ATF6B: variants seen among roughly 807,000 people sequenced by gnomAD.
ATF6B encodes the protein cyclic AMP-dependent transcription factor ATF-6 beta.
Under a neutral mutation model 83.5 loss-of-function variants are expected in ATF6B, and 50 were observed. That is an observed-to-expected ratio of 0.60 (90% CI 0.48 to 0.76). The LOEUF is 0.76. ATF6B is among the 30% of genes least tolerant of loss of function. The probability of loss-of-function intolerance (pLI) is 0.00; values close to 1 mark genes in which losing one functional copy is unlikely to be tolerated. For missense variants in ATF6B, 790 were observed against 893.8 expected, an observed-to-expected ratio of 0.88 and a Z score of 1.48; for synonymous variants, 344 against 362.8, an observed-to-expected ratio of 0.95 and a Z score of 0.59.
Position 32,127,735 on chromosome 6 carries a change from G to C in ATF6B, c.107C>G (p.Ser36Cys), listed in dbSNP as rs1425723248. ...DWGLQNSTLY[S>C]GLDEVAEEQT... Reference sequence around the variant, plus strand: ...CTCCTCGGCCACTTCATCTAGGCCAGAATACAAGGTGCTGTCTGCAAGAAA... The same window carrying C: ...CTCCTCGGCCACTTCATCTAGGCCACAATACAAGGTGCTGTCTGCAAGAAA... The change falls in exon 2 of 18, where the codon TCT becomes TGT. Residue 36 changes from serine to cysteine, a missense_variant. Physicochemically the swap from Ser to Cys is moderately radical, Grantham distance 112 (BLOSUM62 -1). This residue lies in a region of ATF6B where 253 missense variants were observed against 243.1 expected (regional missense o/e 1.04). Transcript: ENST00000375203. 4 of 1,614,086 alleles carry C rather than the reference G, an allele frequency of 2.5e-6. No individual in the cohort carries two copies. Among genetic ancestry groups the C allele is most frequent in the Non-Finnish European group, 3.4e-6 (4 of 1,180,032 alleles).
chr6:32,124,816 C>T (rs1254810234), intron 5 of ATF6B, among the ~76,000 whole-genome samples: 1 of 152,088 alleles, frequency 6.6e-6, no homozygotes, highest in Non-Finnish European at 1.5e-5. Context: ...GATGAAATGT[C>T]CCCTCTTATG....
In ATF6B at chr6:32,116,559, G is replaced by A; in HGVS notation, c.1803C>T (p.His601=). The A allele has an allele frequency of 6.3e-7, 1 of 1,598,374 alleles. No individual in the cohort carries two copies. The highest frequency in any genetic ancestry group is 1.1e-5 in the South Asian group (1 of 88,418). ...TGTGGCTGATGGCTGGGAGCAGCAGGTGGTCCTGGGGAACAGATGGGCCAG... is the reference window on the plus strand; with the variant it reads ...TGTGGCTGATGGCTGGGAGCAGCAGATGGTCCTGGGGAACAGATGGGCCAG... ...TFYVVSFRRD[H]LLLPAISHNK... The change falls in exon 17 of 18, where the codon CAC becomes CAT. Residue 601 remains histidine (H), a synonymous_variant. Coordinates refer to ENST00000375203, the MANE Select transcript of ATF6B (RefSeq NM_004381.5). This position sits in a 1 kb window ranked among gnomAD's most constrained non-coding sequence, Gnocchi z 5.1.
In ATF6B at chr6:32,127,715, C is replaced by G; in HGVS notation, c.127G>C (p.Glu43Gln). The change falls in exon 2 of 18, where the codon GAG becomes CAG. Residue 43 changes from glutamate (E) to glutamine (Q), a missense_variant. Coordinates refer to ENST00000375203, the MANE Select transcript of ATF6B (RefSeq NM_004381.5). Reference protein sequence around the residue: ...TLYSGLDEVAEEQTQLFRCPE... With the variant: ...TLYSGLDEVAQEQTQLFRCPE... Reference sequence around the variant, plus strand: ...CAACGGAAGAGCTGCGTCTGCTCCTCGGCCACTTCATCTAGGCCAGAATAC... The same window carrying G: ...CAACGGAAGAGCTGCGTCTGCTCCTGGGCCACTTCATCTAGGCCAGAATAC... 1 of 1,614,168 alleles carries G rather than the reference C, an allele frequency of 6.2e-7. No homozygotes were observed. The highest frequency in any genetic ancestry group is 2.2e-5 in the East Asian group (1 of 44,878).
rs1332780799 is a variant in ATF6B, at chr6:32,116,996, G to A, written c.1685+41C>T. On this transcript the variant is annotated intron_variant, in intron 15 of 17. Coordinates refer to ENST00000375203, the MANE Select transcript of ATF6B (RefSeq NM_004381.5). This position sits in a 1 kb window ranked among gnomAD's most constrained non-coding sequence, Gnocchi z 5.1. ...TACTGGGGGTACAGCTCTTGAAAGT[G>A]GAATTTCACTTAATAAGTAAGCACC... The A allele has an allele frequency of 1.3e-6, 2 of 1,598,748 alleles. No homozygotes were observed. The highest frequency in any genetic ancestry group is 2.7e-5 in the African/African-American group (2 of 74,522).
At chr6:32,127,352 G>T (rs932012631) in intron 3 of ATF6B, 90 bp downstream of exon 3, 2 of 1,451,032 alleles carry the variant, frequency 1.4e-6, no homozygotes, top group Non-Finnish European at 1.9e-6. Context: ...ATGTAGAAGC[G>T]TGAGGATATA....
In ATF6B at chr6:32,118,138, C is replaced by CTGTT; in HGVS notation, c.1245-104_1245-101dup. On this transcript the variant is annotated intron_variant, in intron 11 of 17. Coordinates refer to ENST00000375203, the MANE Select transcript of ATF6B (RefSeq NM_004381.5). The surrounding 1 kb of genome is among the most constrained non-coding windows in gnomAD (Gnocchi z 5.2). ...GCAGATGGACTGCTTGAGTTGCAAT[C>CTGTT]TGTTATACAAGCCTGAGTCTGCCTC... The CTGTT allele has an allele frequency of 2.8e-6, 4 of 1,428,496 alleles. No individual in the cohort carries two copies. Among genetic ancestry groups the CTGTT allele is most frequent in the Non-Finnish European group, 3.9e-6 (4 of 1,030,012 alleles). The allele number at this position is 1,428,496 out of a possible 1,614,324, so 88.5% of individuals were successfully genotyped here. A position where few individuals can be genotyped will look rare whatever the true frequency, so the allele number is the denominator to read the frequency against.
chr6:32,122,832 C>T (rs1225889385), intron 5 of ATF6B, among the ~76,000 whole-genome samples: 2 of 140,522 alleles, frequency 1.4e-5, no homozygotes, highest in African/African-American at 5.3e-5. Context: ...CTGGGTAGAG[C>T]GAGACTCTGT....
In ATF6B at chr6:32,125,445, G is replaced by A. The variant is rs995509785; in HGVS notation, c.478+672C>T. On this transcript the variant is annotated intron_variant, in intron 5 of 17. Coordinates refer to ENST00000375203, the MANE Select transcript of ATF6B (RefSeq NM_004381.5). The surrounding 1 kb of genome is among the most constrained non-coding windows in gnomAD (Gnocchi z 4.1). Reference sequence around the variant, plus strand: ...TGTAGAATCTAGTTTAGTATATGGTGTTCTAGCCTTTCTGTATGTTTAAAA... The same window carrying A: ...TGTAGAATCTAGTTTAGTATATGGTATTCTAGCCTTTCTGTATGTTTAAAA... Among the ~76,000 whole-genome samples the A allele has an allele frequency of 1.3e-5, 2 of 152,158 alleles. No individual in the cohort carries two copies. Among genetic ancestry groups the A allele is most frequent in the African/African-American group, 4.8e-5 (2 of 41,430 alleles).
In ATF6B at chr6:32,119,418, CTCTT is replaced by C. The variant is rs746586399; in HGVS notation, c.967-281_967-278del. On this transcript the variant is annotated intron_variant, in intron 9 of 17. Transcript: ENST00000375203. This position sits in a 1 kb window ranked among gnomAD's most constrained non-coding sequence, Gnocchi z 4.9. ...CTGGTGGAAACTCTTTCCTTCGTAA[CTCTT>C]TCTTCCTGTCAGCCCACATTTGTAG... Among the ~76,000 whole-genome samples, 3 of 152,308 alleles carry C rather than the reference CTCTT, an allele frequency of 2.0e-5. No homozygotes were observed. The highest frequency in any genetic ancestry group is 2.1e-4 in the South Asian group (1 of 4,830).
rs1392587856 is a variant in ATF6B at position 32,115,504 on chromosome 6, C to T, written c.*235G>A. 4.6e-6 allele frequency: 2 copies of T among 436,062 alleles called. No individual in the cohort carries two copies. Among genetic ancestry groups the T allele is most frequent in the Non-Finnish European group, 8.0e-6 (2 of 249,030 alleles). The allele number at this position is 436,062 out of a possible 1,614,324, so 27.0% of individuals were successfully genotyped here. The stretch of plus-strand genomic sequence containing the variant: ...ACCCCACAACTGAACCTCACACAAT[C>T]CCCTCAAACAAAGAAGCCAGGACTG... On this transcript the variant is annotated 3_prime_UTR_variant, in exon 18 of 18. Coordinates refer to ENST00000375203, the MANE Select transcript of ATF6B (RefSeq NM_004381.5).
At position 32,118,800 on chromosome 6, in the gene ATF6B, T is replaced by C. The variant is rs775878176; in HGVS notation, c.1219A>G (p.Ile407Val). Reference protein sequence around the residue: ...VVCIMVFLLFIAFNFGPVSIS... With the variant: ...VVCIMVFLLFVAFNFGPVSIS... ...CTGACAGGTCCAAAGTTGAAGGCAA[T>C]GAAGAGAAGGAAGACCATGATGCAG... The change falls in exon 11 of 18, where the codon ATT (isoleucine) becomes GTT (valine). Residue 407 changes from isoleucine (I) to valine (V), a missense_variant. Coordinates refer to ENST00000375203, the MANE Select transcript of ATF6B (RefSeq NM_004381.5). This position sits in a 1 kb window ranked among gnomAD's most constrained non-coding sequence, Gnocchi z 5.2. 4.3e-6 allele frequency: 7 copies of C among 1,614,022 alleles called. No individual in the cohort carries two copies. The South Asian group carries it at 4.4e-5, about 10-fold the overall frequency.
chr6:32,120,800 A>C lies in ATF6B; in HGVS notation c.803T>G (p.Leu268Arg). ...GGGTGGCTGGACGAGGGACTGCAGA[A>C]GGACTGTGGTGCTGGGAGGCACAGC... ...SRAVPPSTTV[L>R]LQSLVQPPPV... Residue 268 changes from leucine (L) to arginine (R), a missense_variant, in exon 8 of 18, where the codon CTT becomes CGT. Physicochemically the swap from Leu to Arg is moderately radical, Grantham distance 102 (BLOSUM62 -2). Around this residue, in one of 3 missense-constraint regions of ATF6B, gnomAD observed 530 missense variants for 632.6 expected, o/e 0.84. Coordinates refer to ENST00000375203, the MANE Select transcript of ATF6B (RefSeq NM_004381.5). 6.2e-7 allele frequency: 1 copy of C among 1,610,772 alleles called. No individual in the cohort carries two copies. Among genetic ancestry groups the C allele is most frequent in the Non-Finnish European group, 8.5e-7 (1 of 1,178,204 alleles).
chr6:32,121,135 C>T lies in ATF6B; in HGVS notation c.565-11G>A. The T allele has an allele frequency of 1.3e-6, 2 of 1,595,968 alleles. No homozygotes were observed. Among genetic ancestry groups the T allele is most frequent in the Non-Finnish European group, 1.7e-6 (2 of 1,170,642 alleles). On this transcript the variant is annotated splice_polypyrimidine_tract_variant and intron_variant, in intron 6 of 17. Coordinates refer to ENST00000375203, the MANE Select transcript of ATF6B (RefSeq NM_004381.5). ...CTCTCCTATAAAAGCCTATGTGGGG[C>T]ATTCCAGAGATACATTAGTCAGGAA... is the stretch of plus-strand genomic sequence containing the variant.
Position 32,119,958 on chromosome 6 carries a change from C to A in ATF6B, c.833-1G>T. ...CCCTGGATGAGGACAACTGGGGACA[C>A]TGGGGCAAGTGAGCAGAGGTCAGAG... On this transcript the variant is annotated splice_acceptor_variant, in intron 8 of 17. Transcript: ENST00000375203. LOFTEE classifies it high-confidence loss of function. This position sits in a 1 kb window ranked among gnomAD's most constrained non-coding sequence, Gnocchi z 4.9. 1 of 1,613,860 alleles carries A rather than the reference C, an allele frequency of 6.2e-7. No individual in the cohort carries two copies. Among genetic ancestry groups the A allele is most frequent in the Non-Finnish European group, 8.5e-7 (1 of 1,179,842 alleles).
In ATF6B at chr6:32,127,664, A is replaced by G. The variant is rs575245468; in HGVS notation, c.171+7T>C. 5.0e-5 allele frequency: 80 copies of G among 1,614,210 alleles called. No homozygotes were observed. The African/African-American group carries it at 8.3e-4, about 17-fold the overall frequency. ...CAAGGGTTAGAGAAAGGCTGGGGAC[A>G]CAATACCGGGACATCCTGCTCCGGG... On this transcript the variant is annotated splice_region_variant and intron_variant, in intron 2 of 17. Coordinates refer to ENST00000375203, the MANE Select transcript of ATF6B (RefSeq NM_004381.5).
At position 32,128,233 on chromosome 6, in the gene ATF6B, A is replaced by AT; in HGVS notation, c.-27_-26insA. On this transcript the variant is annotated 5_prime_UTR_variant, in exon 1 of 18. Coordinates refer to ENST00000375203, the MANE Select transcript of ATF6B (RefSeq NM_004381.5). ...CTTTCCCCCCCACCCCCCAACCAGG[A>AT]GACGGTTCCCAAGGCCCGCCTCTCC... The AT allele has an allele frequency of 7.3e-7, 1 of 1,370,960 alleles. No homozygotes were observed. The highest frequency in any genetic ancestry group is 1.8e-5 in the African/African-American group (1 of 54,468). The allele number at this position is 1,370,960 out of a possible 1,614,324, so 84.9% of individuals were successfully genotyped here. A position where few individuals can be genotyped will look rare whatever the true frequency, so the allele number is the denominator to read the frequency against.
intron 2 of ATF6B, 49 bp downstream of exon 2, chr6:32,127,622 G>C (rs775849310): frequency 6.2e-7 from 1 of 1,612,590 alleles, no homozygotes; most frequent in South Asian, 1.1e-5. Context: ...CAGGTTCTGG[G>C]CTCACTTTCC....
intron 1 of ATF6B, 76 bp from the exon 2 acceptor site, chr6:32,127,826 C>T: frequency 6.7e-7 from 1 of 1,492,612 alleles, no homozygotes; most frequent in Non-Finnish European, 9.3e-7. Context: ...CCCGCCCCAT[C>T]CCTCATTGGC....
Position 32,118,845 on chromosome 6 carries a change from A to G in ATF6B, c.1174T>C (p.Ser392Pro). Reference protein sequence around the residue: ...LAENSELKLGSGNRKVVCIMV... With the variant: ...LAENSELKLGPGNRKVVCIMV... ...ATGCAGACCACCTTCCTGTTTCCAG[A>G]CCCTAACTTGAGCTCGCTGTTCTAA... is the stretch of plus-strand genomic sequence containing the variant. The change falls in exon 11 of 18, where the codon TCT (serine) becomes CCT (proline). Residue 392 changes from serine to proline, a missense_variant. Coordinates refer to ENST00000375203, the MANE Select transcript of ATF6B (RefSeq NM_004381.5). The surrounding 1 kb of genome is among the most constrained non-coding windows in gnomAD (Gnocchi z 5.2). 6.2e-7 allele frequency: 1 copy of G among 1,614,228 alleles called. No homozygotes were observed.
Sources: allele counts gnomAD v4.1 joint callset (sites outside exome capture counted in the v4.1 genomes callset), GRCh38; gene constraint gnomAD v4.1.1; regional missense constraint gnomAD v4.1.1; non-coding constraint Gnocchi (gnomAD v3.1); transcripts MANE v1.5; gene names NCBI Gene and HGNC (gene_info 2026-07-23, HGNC 2026-07-21).